Variants in ERBB4 observed in about 807,000 individuals in gnomAD.
The protein encoded by ERBB4 is erb-b2 receptor tyrosine kinase 4, also known as receptor tyrosine-protein kinase erbB-4.
ERBB4 carries 42 observed loss-of-function variants against 158.0 expected under a neutral mutation model. That is an observed-to-expected ratio of 0.27 (90% CI 0.21 to 0.34). The LOEUF (loss-of-function observed/expected upper bound fraction) is 0.34. Among genes scored for constraint, ERBB4 ranks in the 10% least tolerant of loss-of-function variants. The probability of loss-of-function intolerance (pLI) is 1.00; values close to 1 mark genes in which losing one functional copy is unlikely to be tolerated. For synonymous variants in ERBB4, 583 were observed against 558.7 expected (o/e 1.04, Z -0.61); for missense variants, 1,333 against 1,624.1 (o/e 0.82, Z 3.08).
chr2:211,395,330 A>C (rs1039711160), intron 25 of ERBB4, among the ~76,000 whole-genome samples: 7 of 152,054 alleles, frequency 4.6e-5, no homozygotes, highest in Non-Finnish European at 1.0e-4. Context: ...AGACTCTGAC[A>C]CTCTGAGAGG....
chr2:212,344,655 C>G (rs571352296), intron 1 of ERBB4, among the ~76,000 whole-genome samples: 1 of 151,916 alleles, frequency 6.6e-6, no homozygotes, highest in Non-Finnish European at 1.5e-5. Flanking sequence ...GTAATAGAAA[C>G]CACACCTTAT....
chr2:212,400,223 C>G (rs962751325), intron 1 of ERBB4, among the ~76,000 whole-genome samples: 1 of 152,150 alleles, frequency 6.6e-6, no homozygotes, highest in Non-Finnish European at 1.5e-5. Context: ...ATTACTTTTG[C>G]ATTTCAAAAC....
At chr2:211,850,487 T>C (rs2077692111) in intron 3 of ERBB4, among the ~76,000 whole-genome samples, 1 of 151,854 alleles carries the variant, frequency 6.6e-6, no homozygotes, top group Non-Finnish European at 1.5e-5. Flanking sequence ...TAATTAGATA[T>C]GATCTCAGAT....
At chr2:212,504,470 A>C (rs1469061868) in intron 1 of ERBB4, among the ~76,000 whole-genome samples, 1 of 152,056 alleles carries the variant, frequency 6.6e-6, no homozygotes, top group Non-Finnish European at 1.5e-5. Flanking sequence ...TAATACAAAA[A>C]GAGATCCTGA....
intron 16 of ERBB4, among the ~76,000 whole-genome samples, chr2:211,635,200 G>T (rs137942095): frequency 6.6e-6 from 1 of 152,098 alleles, no homozygotes; most frequent in Non-Finnish European, 1.5e-5. Flanking sequence ...AAAAGGATAC[G>T]ATCAATTGAT....
intron 1 of ERBB4, among the ~76,000 whole-genome samples, chr2:212,422,833 G>T (rs2091826853): frequency 6.6e-6 from 1 of 152,036 alleles, no homozygotes; most frequent in Admixed American, 6.6e-5. Context: ...ACATTAAAAA[G>T]AACCACCTAA....
chr2:211,999,001 A>G (rs1196398956), intron 2 of ERBB4, among the ~76,000 whole-genome samples: 1 of 151,692 alleles, frequency 6.6e-6, no homozygotes, highest in Non-Finnish European at 1.5e-5. Context: ...ATCATATTCC[A>G]TGTTTTAAAA....
chr2:211,999,728 G>T (rs1445620292), intron 2 of ERBB4, among the ~76,000 whole-genome samples: 3 of 151,526 alleles, frequency 2.0e-5, no homozygotes, highest in Admixed American at 2.0e-4. Context: ...TTTTACCTCT[G>T]TCTATAATTT....
chr2:212,124,912 A>G lies in ERBB4; in HGVS notation c.83-9T>C. 6.2e-7 allele frequency: 1 copy of G among 1,614,118 alleles called. No individual in the cohort carries two copies. On this transcript the variant is annotated splice_polypyrimidine_tract_variant and intron_variant, in intron 1 of 27. Transcript: ENST00000342788. ...CTCCGTTCCTGCACACACTGCAAAG[A>G]CAAGAAGATACACGTGAAATTACAT...
intron 1 of ERBB4, among the ~76,000 whole-genome samples, chr2:212,462,645 G>C (rs1688633134): frequency 6.6e-6 from 1 of 152,064 alleles, no homozygotes; most frequent in Non-Finnish European, 1.5e-5. Context: ...TTCTTATACA[G>C]TGTGAGTGGA....
At chr2:211,571,504 G>A (rs1002515803) in intron 19 of ERBB4, among the ~76,000 whole-genome samples, 3 of 152,018 alleles carry the variant, frequency 2.0e-5, no homozygotes, top group Non-Finnish European at 4.4e-5. Context: ...ATTATGTTAT[G>A]CCCATATTCC....
chr2:212,483,412 T>C (rs904998240), intron 1 of ERBB4, among the ~76,000 whole-genome samples: 1 of 152,208 alleles, frequency 6.6e-6, no homozygotes, highest in Non-Finnish European at 1.5e-5. Flanking sequence ...TTATCTGGAG[T>C]GTCTTTTCCT....
intron 3 of ERBB4, among the ~76,000 whole-genome samples, chr2:211,841,872 A>G (rs1167274701): frequency 6.6e-6 from 1 of 152,188 alleles, no homozygotes; most frequent in African/African-American, 2.4e-5. Context: ...CTTGTAGCCT[A>G]GTGAATCTAG....
At chr2:211,995,070 G>C (rs779696721) in intron 2 of ERBB4, among the ~76,000 whole-genome samples, 1 of 152,312 alleles carries the variant, frequency 6.6e-6, no homozygotes, top group African/African-American at 2.4e-5. Flanking sequence ...AAAACCCTGA[G>C]TGGGGAGGAT....
At chr2:212,362,017 T>G (rs1482485397) in intron 1 of ERBB4, among the ~76,000 whole-genome samples, 1 of 151,692 alleles carries the variant, frequency 6.6e-6, no homozygotes, top group Non-Finnish European at 1.5e-5. Context: ...TTTAAAAGTT[T>G]CACATAGAAA....
At chr2:212,066,278 C>G (rs2077945088) in intron 2 of ERBB4, among the ~76,000 whole-genome samples, 1 of 151,936 alleles carries the variant, frequency 6.6e-6, no homozygotes, top group Admixed American at 6.6e-5. Context: ...TGATGACTTT[C>G]CATAGCCACT....
chr2:211,934,066 G>C (rs1317238376), intron 3 of ERBB4, among the ~76,000 whole-genome samples: 1 of 151,938 alleles, frequency 6.6e-6, no homozygotes, highest in East Asian at 1.9e-4. Flanking sequence ...TAATTTTAGA[G>C]TCTCCTCCAT....
intron 20 of ERBB4, among the ~76,000 whole-genome samples, chr2:211,455,418 CT>C (rs1161431878): frequency 6.6e-6 from 1 of 152,146 alleles, no homozygotes; most frequent in Non-Finnish European, 1.5e-5. Context: ...AAACAGCTCT[CT>C]GAACAGTAGG....
intron 1 of ERBB4, among the ~76,000 whole-genome samples, chr2:212,184,633 T>C (rs903007495): frequency 1.4e-5 from 2 of 146,346 alleles, no homozygotes; most frequent in African/African-American, 5.0e-5. Context: ...ACAAAATGTC[T>C]TTGTGTTCGT....
Sources: gnomAD v4.1 joint callset for allele counts (sites outside exome capture counted in the v4.1 genomes callset) on GRCh38, gnomAD v4.1.1 for gene constraint, MANE v1.5 for transcripts, NCBI Gene and HGNC (gene_info 2026-07-23, HGNC 2026-07-21) for gene names.